HCN1: variants seen among roughly 807,000 people sequenced by gnomAD.
HCN1 encodes the protein hyperpolarization activated cyclic nucleotide gated potassium channel 1, also known as potassium/sodium hyperpolarization-activated cyclic nucleotide-gated channel 1.
Under a neutral mutation model 78.9 loss-of-function variants are expected in HCN1, and 13 were observed. The ratio of observed to expected loss-of-function variants is 0.16; its 90% CI spans 0.11 to 0.26. The LOEUF (loss-of-function observed/expected upper bound fraction) is 0.26. Among genes scored for constraint, HCN1 ranks in the 10% least tolerant of loss-of-function variants. HCN1 has a pLI of 1.00. For synonymous variants in HCN1, 552 were observed against 455.5 expected, an observed-to-expected ratio of 1.21 and a Z score of -2.70; for missense variants, 810 against 1,154.3, an observed-to-expected ratio of 0.70 and a Z score of 4.32.
intron 2 of HCN1, among the ~76,000 whole-genome samples, chr5:45,612,988 C>T (rs1289192569): frequency 6.6e-6 from 1 of 152,024 alleles, no homozygotes; most frequent in Admixed American, 6.6e-5. Context: ...ACAATACAAA[C>T]GTTGGAGGAA....
At chr5:45,514,703 C>G (rs1742485033) in intron 2 of HCN1, among the ~76,000 whole-genome samples, 1 of 151,990 alleles carries the variant, frequency 6.6e-6, no homozygotes, top group Admixed American at 6.6e-5. Flanking sequence ...CAGAATACAC[C>G]TACAGAGGAA....
chr5:45,605,484 A>C (rs1276522092), intron 2 of HCN1, among the ~76,000 whole-genome samples: 2 of 151,590 alleles, frequency 1.3e-5, no homozygotes, highest in Non-Finnish European at 2.9e-5. Flanking sequence ...CATTACTTAA[A>C]ATATTAAGGT....
chr5:45,510,553 A>T (rs1742393678), intron 2 of HCN1, among the ~76,000 whole-genome samples: 1 of 152,076 alleles, frequency 6.6e-6, no homozygotes, highest in African/African-American at 2.4e-5. Flanking sequence ...AAATATAGTG[A>T]GAATTAGGCT....
intron 1 of HCN1, among the ~76,000 whole-genome samples, chr5:45,646,286 T>G (rs1391648729): frequency 6.6e-6 from 1 of 152,018 alleles, no homozygotes; most frequent in African/African-American, 2.4e-5. Flanking sequence ...TACCTAAAAT[T>G]TGTGTTTTTA....
chr5:45,550,413 A>G (rs534895109), intron 2 of HCN1, among the ~76,000 whole-genome samples: 32 of 152,120 alleles, frequency 2.1e-4, no homozygotes, highest in African/African-American at 7.2e-4. Context: ...ACCAAACACC[A>G]CATGTTCTCA....
At chr5:45,545,211 A>T (rs1743187282) in intron 2 of HCN1, among the ~76,000 whole-genome samples, 1 of 152,092 alleles carries the variant, frequency 6.6e-6, no homozygotes, top group South Asian at 2.1e-4. Context: ...GATGATGAGC[A>T]TTTTTTCATG....
intron 1 of HCN1, among the ~76,000 whole-genome samples, chr5:45,674,948 T>G (rs560334781): frequency 6.6e-6 from 1 of 151,634 alleles, no homozygotes; most frequent in African/African-American, 2.4e-5. Context: ...ATAAAAATAA[T>G]AAGATATGCA....
At chr5:45,477,709 A>C (rs998484098) in intron 2 of HCN1, among the ~76,000 whole-genome samples, 3 of 152,180 alleles carry the variant, frequency 2.0e-5, no homozygotes, top group African/African-American at 7.2e-5. Context: ...AATGTATTGC[A>C]AATATATAAG....
chr5:45,561,565 G>A (rs1271374989), intron 2 of HCN1, among the ~76,000 whole-genome samples: 1 of 150,616 alleles, frequency 6.6e-6, no homozygotes, highest in Non-Finnish European at 1.5e-5. Flanking sequence ...AAAAGAATTT[G>A]ACTGGCCTTT....
chr5:45,611,993 C>A (rs1278312105), intron 2 of HCN1, among the ~76,000 whole-genome samples: 1 of 152,028 alleles, frequency 6.6e-6, no homozygotes, highest in Non-Finnish European at 1.5e-5. Flanking sequence ...TATTTACAAA[C>A]AAGTTTTCAG....
chr5:45,549,483 T>A (rs1229816286), intron 2 of HCN1, among the ~76,000 whole-genome samples: 1 of 152,084 alleles, frequency 6.6e-6, no homozygotes, highest in African/African-American at 2.4e-5. Context: ...ATACACCTTA[T>A]ACAAAAATTA....
chr5:45,282,222 A>G (rs1745183071), intron 6 of HCN1, among the ~76,000 whole-genome samples: 1 of 152,178 alleles, frequency 6.6e-6, no homozygotes, highest in Admixed American at 6.5e-5. Context: ...TTACATTGAC[A>G]ATATTGTTTC....
chr5:45,669,551 G>C (rs1297441214), intron 1 of HCN1, among the ~76,000 whole-genome samples: 1 of 151,720 alleles, frequency 6.6e-6, no homozygotes, highest in East Asian at 1.9e-4. Flanking sequence ...ACCTATAGAG[G>C]AACATGAGTC....
intron 1 of HCN1, among the ~76,000 whole-genome samples, chr5:45,682,665 G>A (rs1398360143): frequency 6.6e-6 from 1 of 151,870 alleles, no homozygotes; most frequent in Non-Finnish European, 1.5e-5. Context: ...CCTCATCTTA[G>A]TGGGCCTTAA....
At chr5:45,543,828 A>T (rs115765801) in intron 2 of HCN1, among the ~76,000 whole-genome samples, 1 of 152,102 alleles carries the variant, frequency 6.6e-6, no homozygotes, top group Non-Finnish European at 1.5e-5. Flanking sequence ...ATTTTCTGTG[A>T]CATAGTTAGA....
intron 6 of HCN1, among the ~76,000 whole-genome samples, chr5:45,267,756 G>A (rs1744890020): frequency 6.6e-6 from 1 of 152,078 alleles, no homozygotes; most frequent in Non-Finnish European, 1.5e-5. Context: ...GACAGAGTGA[G>A]ACTCCGTCTC....
rs557309295 is a variant in HCN1, at chr5:45,372,900, T to C, written c.1231-19654A>G. Among the ~76,000 whole-genome samples, 3 of 143,178 alleles carry C rather than the reference T, an allele frequency of 2.1e-5. No homozygotes were observed. The Admixed American group carries it at 2.2e-4, about 10-fold the overall frequency. The allele number at this position is 143,178 out of a possible 152,430, so 93.9% of individuals were successfully genotyped here. ...TATTCTATACACAAAAATATGTACG[T>C]ATTCTATACATAAAAATATACACGT... On this transcript the variant is annotated intron_variant, in intron 4 of 7. Transcript: ENST00000303230.
At chr5:45,663,761 T>G (rs1745972626) in intron 1 of HCN1, among the ~76,000 whole-genome samples, 1 of 151,820 alleles carries the variant, frequency 6.6e-6, no homozygotes, top group African/African-American at 2.4e-5. Flanking sequence ...CTATGAGGTA[T>G]CATCTCACAC....
At chr5:45,502,305 TAA>T (rs541179390) in intron 2 of HCN1, among the ~76,000 whole-genome samples, 1 of 136,716 alleles carries the variant, frequency 7.3e-6, no homozygotes, top group African/African-American at 2.7e-5. Context: ...CCATCTCTAC[TAA>T]AAAAAAAAAA....
Sources: allele counts gnomAD v4.1 joint callset (sites outside exome capture counted in the v4.1 genomes callset), GRCh38; gene constraint gnomAD v4.1.1; transcripts MANE v1.5; gene names NCBI Gene and HGNC (gene_info 2026-07-23, HGNC 2026-07-21).